The following COMMD1 variants were observed in gnomAD, a reference collection of about 807,000 sequenced individuals.
COMMD1 encodes copper metabolism domain containing 1.
In COMMD1, 10 loss-of-function variants were observed where a neutral mutation model predicts 17.2. The ratio of observed to expected loss-of-function variants is 0.58; its 90% CI spans 0.36 to 0.99. The LOEUF (loss-of-function observed/expected upper bound fraction) is 0.99. COMMD1 is among the 50% of genes least tolerant of loss of function. The probability of loss-of-function intolerance (pLI) is 0.01; values close to 1 mark genes in which losing one functional copy is unlikely to be tolerated. For missense variants in COMMD1, 270 were observed against 231.8 expected, an observed-to-expected ratio of 1.17 and a Z score of -1.07; for synonymous variants, 97 against 91.6, an observed-to-expected ratio of 1.06 and a Z score of -0.34.
intron 2 of COMMD1, among the ~76,000 whole-genome samples, chr2:62,029,241 A>G (rs1412511277): frequency 6.6e-6 from 1 of 152,134 alleles, no homozygotes; most frequent in Non-Finnish European, 1.5e-5. Flanking sequence ...ACAGTTACCA[A>G]TTGGTATCAA....
intron 2 of COMMD1, among the ~76,000 whole-genome samples, chr2:62,023,835 A>G (rs1450193645): frequency 6.6e-6 from 1 of 152,154 alleles, no homozygotes; most frequent in Non-Finnish European, 1.5e-5. Flanking sequence ...ATGTCCAATA[A>G]TAGGGAATGA....
At chr2:61,970,223 A>G (rs990735539) in intron 1 of COMMD1, among the ~76,000 whole-genome samples, 4 of 151,554 alleles carry the variant, frequency 2.6e-5, no homozygotes, top group African/African-American at 7.3e-5. Flanking sequence ...ACACCGCTGC[A>G]TTCCATCCAG....
intron 1 of COMMD1, among the ~76,000 whole-genome samples, chr2:61,953,618 C>T (rs1671116981): frequency 6.6e-6 from 1 of 152,046 alleles, no homozygotes; most frequent in Non-Finnish European, 1.5e-5. Context: ...AATCTGCCCA[C>T]CTCGGCTTCC....
At chr2:62,051,018 G>T (rs1670520468) in intron 2 of COMMD1, among the ~76,000 whole-genome samples, 1 of 152,028 alleles carries the variant, frequency 6.6e-6, no homozygotes, top group Non-Finnish European at 1.5e-5. Context: ...TTGTTATTAT[G>T]AATCTTATTT....
intron 2 of COMMD1, among the ~76,000 whole-genome samples, chr2:62,019,422 G>T (rs1669552366): frequency 6.6e-6 from 1 of 151,980 alleles, no homozygotes; most frequent in Non-Finnish European, 1.5e-5. Context: ...AGATTCACCT[G>T]CCTTGGCCTC....
At chr2:62,121,371 CAAA>C (rs55789110) in intron 2 of COMMD1, among the ~76,000 whole-genome samples, 37 of 47,198 alleles carry the variant, frequency 7.8e-4, no homozygotes, top group South Asian at 2.9e-3. Flanking sequence ...GACTCTTTCT[CAAA>C]AAAAAAAAAA....
At chr2:62,111,288 A>G (rs1014103205) in intron 2 of COMMD1, among the ~76,000 whole-genome samples, 2 of 152,226 alleles carry the variant, frequency 1.3e-5, no homozygotes, top group Admixed American at 1.3e-4. Flanking sequence ...ACAGGTTAAC[A>G]AGAGAAAAGC....
chr2:62,097,263 G>A (rs1672038580), intron 2 of COMMD1, among the ~76,000 whole-genome samples: 1 of 152,170 alleles, frequency 6.6e-6, no homozygotes, highest in Non-Finnish European at 1.5e-5. Context: ...GGTATTATAA[G>A]TCCTTTGTCT....
chr2:62,027,075 T>C (rs1669779619), intron 2 of COMMD1, among the ~76,000 whole-genome samples: 1 of 152,218 alleles, frequency 6.6e-6, no homozygotes, highest in Admixed American at 6.5e-5. Context: ...ACTATTGAGA[T>C]ATCATGTGAA....
At chr2:61,903,900 A>G (rs1162418727), upstream of COMMD1, among the ~76,000 whole-genome samples, 1 of 152,152 alleles carries the variant, frequency 6.6e-6, no homozygotes, top group Non-Finnish European at 1.5e-5. Flanking sequence ...GGTCAGATAT[A>G]TAAGACATCT....
intron 2 of COMMD1, among the ~76,000 whole-genome samples, chr2:62,081,628 G>A (rs1020809648): frequency 1.3e-5 from 2 of 152,052 alleles, no homozygotes; most frequent in African/African-American, 4.8e-5. Context: ...GGTTGAGTCT[G>A]TTGTCATGTC....
chr2:61,949,948 C>T (rs1373236536), intron 1 of COMMD1, among the ~76,000 whole-genome samples: 1 of 152,168 alleles, frequency 6.6e-6, no homozygotes, highest in Admixed American at 6.5e-5. Context: ...AGAATGCAGT[C>T]ACTGGATTCA....
intron 2 of COMMD1, among the ~76,000 whole-genome samples, chr2:62,014,247 G>A (rs1449390667): frequency 1.3e-5 from 2 of 152,136 alleles, no homozygotes; most frequent in African/African-American, 4.8e-5. Flanking sequence ...GCAGACAGAT[G>A]GGGTGCTTGA....
chr2:61,911,032 G>A (rs931998675), intron 1 of COMMD1, among the ~76,000 whole-genome samples: 3 of 151,384 alleles, frequency 2.0e-5, no homozygotes, highest in Non-Finnish European at 4.4e-5. Context: ...GTGGTGAGCC[G>A]AGATCGCGCC....
chr2:62,120,224 T>C (rs1290929327), intron 2 of COMMD1, among the ~76,000 whole-genome samples: 1 of 151,878 alleles, frequency 6.6e-6, no homozygotes, highest in African/African-American at 2.4e-5. Flanking sequence ...AGTCTTGAAC[T>C]CCCCAGACTG....
At chr2:61,913,953 T>C (rs1208226953) in intron 1 of COMMD1, among the ~76,000 whole-genome samples, 1 of 152,178 alleles carries the variant, frequency 6.6e-6, no homozygotes, top group East Asian at 1.9e-4. Context: ...GGGCGGATCA[T>C]GAGGTCAGGA....
intron 2 of COMMD1, among the ~76,000 whole-genome samples, chr2:62,039,124 T>C (rs986791197): frequency 6.6e-6 from 1 of 152,166 alleles, no homozygotes; most frequent in South Asian, 2.1e-4. Flanking sequence ...GGCCAGAAAA[T>C]TGTGCCTGAA....
intron 1 of COMMD1, among the ~76,000 whole-genome samples, chr2:61,956,746 TTTTG>T (rs891317312): frequency 3.1e-4 from 47 of 150,434 alleles, no homozygotes; most frequent in South Asian, 6.3e-4. Context: ...GCATAGTTTT[TTTTG>T]TTTGTTTGTT....
intron 1 of COMMD1, among the ~76,000 whole-genome samples, chr2:61,899,114 A>G (rs1426616349): frequency 6.6e-6 from 1 of 152,194 alleles, no homozygotes; most frequent in Non-Finnish European, 1.5e-5. Flanking sequence ...GCTATCCCAA[A>G]ATATGCCACT....
Sources: gnomAD v4.1 joint callset for allele counts (sites outside exome capture counted in the v4.1 genomes callset) on GRCh38, gnomAD v4.1.1 for gene constraint, MANE v1.5 for transcripts, NCBI Gene and HGNC (gene_info 2026-07-23, HGNC 2026-07-21) for gene names.